Variants in KLRG1 observed in about 807,000 individuals in gnomAD.
The protein encoded by KLRG1 is killer cell lectin-like receptor subfamily G member 1.
In KLRG1, 16 loss-of-function variants were observed where a neutral mutation model predicts 21.8. That is an observed-to-expected ratio of 0.73 (90% CI 0.50 to 1.11). The LOEUF is 1.11. Ranked by LOEUF, KLRG1 falls within the 50% of genes most tolerant of loss-of-function variation. KLRG1 has a pLI of 0.00. For missense variants in KLRG1, 173 were observed against 218.3 expected, an observed-to-expected ratio of 0.79 and a Z score of 1.31; for synonymous variants, 69 against 75.9, an observed-to-expected ratio of 0.91 and a Z score of 0.47.
At chr12:9,043,161 T>C in the KLRG1 span, among the ~76,000 whole-genome samples, 224 of 151,492 alleles carry the variant, frequency 1.5e-3, 1 homozygote, top group African/African-American at 5.0e-3. Flanking sequence ...CTGCAACTTC[T>C]GCCTCCCAGA....
At chr12:9,212,934 C>A in the KLRG1 span, among the ~76,000 whole-genome samples, 1 of 152,136 alleles carries the variant, frequency 6.6e-6, no homozygotes, top group East Asian at 1.9e-4. Flanking sequence ...AAACTACATA[C>A]ATGTTAGTAG....
At chr12:8,964,796 T>G (rs1280172805) in intron 1 of KLRG1, among the ~76,000 whole-genome samples, 83 of 151,066 alleles carry the variant, frequency 5.5e-4, no homozygotes, top group African/African-American at 1.5e-3. Flanking sequence ...TGTAATGGCC[T>G]TCTTTGTCTC....
intron 1 of KLRG1, among the ~76,000 whole-genome samples, chr12:8,968,978 T>C (rs1366316742): frequency 6.6e-6 from 1 of 152,198 alleles, no homozygotes; most frequent in Non-Finnish European, 1.5e-5. Context: ...GCATTAAAAT[T>C]TTAGCATTAT....
the KLRG1 span, among the ~76,000 whole-genome samples, chr12:9,185,895 C>T: frequency 6.6e-6 from 1 of 150,886 alleles, no homozygotes; most frequent in Non-Finnish European, 1.5e-5. Flanking sequence ...GCAACCCCCA[C>T]CTCCCAGGTT....
At position 9,009,448 on chromosome 12, in the gene KLRG1, C is replaced by T. The variant is rs761454661; in HGVS notation, c.481C>T (p.Gln161Ter). ...CAGGATTTCTTCTAATAGCTTTGTG[C>T]AGACATGCGGTGCCATCAACAAAAA... is the stretch of plus-strand genomic sequence containing the variant. ...FSRISSNSFV[Q>*]TCGAINKNGL... The change falls in exon 5 of 5, where the codon CAG becomes TAG. Residue 161 changes from glutamine (Q) to a stop codon, truncating the protein, a stop_gained. Transcript: ENST00000356986. LOFTEE classifies it high-confidence loss of function. 7 of 1,613,792 alleles carry T rather than the reference C, an allele frequency of 4.3e-6. No individual in the cohort carries two copies. The East Asian group carries it at 1.6e-4, about 36-fold the overall frequency.
chr12:9,079,839 G>C, the KLRG1 span: 1 of 1,541,006 alleles, frequency 6.5e-7, no homozygotes, highest in African/African-American at 1.4e-5. Context: ...GAGATGGGAA[G>C]TCATAAAGCT....
chr12:9,110,118 A>T, the KLRG1 span: 1 of 1,470,782 alleles, frequency 6.8e-7, no homozygotes, highest in South Asian at 1.3e-5. Context: ...ACCCTAAGTT[A>T]TCTACAAAAA....
At chr12:9,032,239 T>C in the KLRG1 span, among the ~76,000 whole-genome samples, 3 of 152,124 alleles carry the variant, frequency 2.0e-5, no homozygotes, top group Non-Finnish European at 2.9e-5. Context: ...AATCTAAAGC[T>C]GAGAACAATA....
the KLRG1 span, among the ~76,000 whole-genome samples, chr12:9,205,016 T>A: frequency 5.2e-4 from 79 of 152,206 alleles, no homozygotes; most frequent in Non-Finnish European, 6.9e-4. Flanking sequence ...AAGGATCACT[T>A]AAGCCCACGA....
At chr12:8,983,496 G>A (rs1263284786) in intron 1 of KLRG1, among the ~76,000 whole-genome samples, 3 of 149,464 alleles carry the variant, frequency 2.0e-5, no homozygotes, top group Non-Finnish European at 2.9e-5. Context: ...GGCCTCCTGG[G>A]TTCAAGCGAT....
chr12:9,019,573 G>A, the KLRG1 span, among the ~76,000 whole-genome samples: 2 of 152,082 alleles, frequency 1.3e-5, no homozygotes, highest in African/African-American at 4.8e-5. Flanking sequence ...TATACATGAG[G>A]GAGTACTACT....
the KLRG1 span, among the ~76,000 whole-genome samples, chr12:9,167,776 T>C: frequency 2.0e-5 from 3 of 152,222 alleles, no homozygotes; most frequent in Non-Finnish European, 4.4e-5. Context: ...CAATTTTCCA[T>C]CTTGAATTTA....
the KLRG1 span, among the ~76,000 whole-genome samples, chr12:9,180,033 G>A: frequency 1.3e-5 from 2 of 152,326 alleles, no homozygotes; most frequent in East Asian, 3.9e-4. Context: ...CAGATTAAGT[G>A]AGAAAACCTA....
chr12:8,995,366 C>T, intron 3 of KLRG1, 78 bp downstream of exon 3: 1 of 1,220,686 alleles, frequency 8.2e-7, no homozygotes, highest in African/African-American at 1.5e-5. Context: ...TTAAATGTAT[C>T]ATGTATCCTC....
chr12:9,001,678 C>A (rs1947312721), intron 3 of KLRG1, among the ~76,000 whole-genome samples: 1 of 152,174 alleles, frequency 6.6e-6, no homozygotes, highest in Admixed American at 6.5e-5. Context: ...CTAATAGATG[C>A]TTTGCACAGA....
the KLRG1 span, chr12:9,104,213 C>G: frequency 6.3e-7 from 1 of 1,598,838 alleles, no homozygotes; most frequent in Non-Finnish European, 8.5e-7. Context: ...TACTTCATGT[C>G]ATTGGTAATT....
intron 3 of KLRG1, among the ~76,000 whole-genome samples, chr12:9,007,593 A>C (rs1162612751): frequency 6.6e-6 from 1 of 151,846 alleles, no homozygotes; most frequent in Non-Finnish European, 1.5e-5. Context: ...TAGAAGAGCA[A>C]CTCTTTATTT....
At chr12:9,066,010 C>A in the KLRG1 span, 59,377 of 152,350 alleles carry the variant, frequency 0.39, 12,564 homozygotes, top group African/African-American at 0.53. Flanking sequence ...GTTGGGACAC[C>A]CTTGCTGTGG....
the KLRG1 span, among the ~76,000 whole-genome samples, chr12:9,100,290 T>C: frequency 6.6e-6 from 1 of 152,226 alleles, no homozygotes; most frequent in African/African-American, 2.4e-5. Context: ...CTTGAAATCG[T>C]ACATTTTCTC....
Sources: allele counts gnomAD v4.1 joint callset (sites outside exome capture counted in the v4.1 genomes callset), GRCh38; gene constraint gnomAD v4.1.1; transcripts MANE v1.5; gene names NCBI Gene and HGNC (gene_info 2026-07-23, HGNC 2026-07-21).